CPQ: variants seen among roughly 807,000 people sequenced by gnomAD.
CPQ encodes carboxypeptidase Q.
CPQ carries 37 observed loss-of-function variants against 45.7 expected under a neutral mutation model. The ratio of observed to expected loss-of-function variants is 0.81; its 90% confidence interval spans 0.62 to 1.07. CPQ has a LOEUF of 1.07. Ranked by LOEUF, CPQ falls within the 50% of genes least tolerant of loss-of-function variation. CPQ has a pLI of 0.00. For synonymous variants in CPQ, 186 were observed against 205.8 expected (o/e 0.90, Z 0.82); for missense variants, 537 against 572.9 (o/e 0.94, Z 0.64).
intron 7 of CPQ, among the ~76,000 whole-genome samples, chr8:97,130,132 C>A (rs965153275): frequency 6.6e-6 from 1 of 152,166 alleles, no homozygotes; most frequent in Non-Finnish European, 1.5e-5. Flanking sequence ...TGTTCCATGT[C>A]CTCCATCATG....
At chr8:96,712,506 G>C (rs1311422471) in intron 1 of CPQ, among the ~76,000 whole-genome samples, 4 of 152,226 alleles carry the variant, frequency 2.6e-5, no homozygotes, top group Non-Finnish European at 4.4e-5. Context: ...TCTAGGCAGA[G>C]CTTCCCAAAC....
intron 4 of CPQ, among the ~76,000 whole-genome samples, chr8:96,901,602 A>G (rs765292020): frequency 6.6e-6 from 1 of 152,228 alleles, no homozygotes; most frequent in Non-Finnish European, 1.5e-5. Flanking sequence ...CATGCAGTAG[A>G]AAGTTTTCAG....
At chr8:96,829,430 CAG>C (rs900693151) in intron 2 of CPQ, among the ~76,000 whole-genome samples, 3 of 152,096 alleles carry the variant, frequency 2.0e-5, no homozygotes, top group African/African-American at 7.2e-5. Context: ...AAAATTTATT[CAG>C]AGAGACTGTT....
intron 7 of CPQ, among the ~76,000 whole-genome samples, chr8:97,113,387 G>A (rs1811530813): frequency 6.6e-6 from 1 of 152,178 alleles, no homozygotes. Context: ...ACTTTAATGT[G>A]TTTTAGAATG....
chr8:96,962,770 G>A (rs919917107), intron 4 of CPQ, among the ~76,000 whole-genome samples: 3 of 152,132 alleles, frequency 2.0e-5, no homozygotes, highest in African/African-American at 7.2e-5. Flanking sequence ...GTATGCAGAA[G>A]CTCATATATT....
intron 3 of CPQ, among the ~76,000 whole-genome samples, chr8:96,873,059 T>C (rs897472505): frequency 6.6e-6 from 1 of 151,826 alleles, no homozygotes; most frequent in African/African-American, 2.4e-5. Flanking sequence ...TCTTGTGGAG[T>C]TGGCTGCTTT....
intron 7 of CPQ, among the ~76,000 whole-genome samples, chr8:97,104,243 T>C (rs1475409826): frequency 6.6e-6 from 1 of 152,188 alleles, no homozygotes; most frequent in African/African-American, 2.4e-5. Context: ...CCAGTCGTTT[T>C]TTAATCTCTA....
chr8:96,831,420 G>A lies in CPQ; in HGVS notation c.434-3553G>A, dbSNP rs528544110. ...TAGGGACATTAGGGTAGGCCTTACT[G>A]TGAATATGACACAGGTTTTGTGTTC... On this transcript the variant is annotated intron_variant, in intron 2 of 7. Coordinates refer to ENST00000220763, the MANE Select transcript of CPQ (RefSeq NM_016134.4). Among the ~76,000 whole-genome samples the A allele has an allele frequency of 2.0e-5, 3 of 152,256 alleles. No individual in the cohort carries two copies. In the South Asian group the frequency reaches 6.2e-4, roughly 32 times the overall value.
rs763084551 is a variant in CPQ, at chr8:96,710,217, C to T, written c.-35+64815C>T. 5.3e-5 allele frequency among the ~76,000 whole-genome samples: 8 copies of T among 151,788 alleles called. No homozygotes were observed. The East Asian group carries it at 5.8e-4, about 11-fold the overall frequency. ...AGTCTCGAAATTTTTTTTGTATTTC[C>T]GTGCTATTGGTTGTAATGTCTCCAT... On this transcript the variant is annotated intron_variant, in intron 1 of 7. Transcript: ENST00000220763.
At chr8:97,054,952 G>T (rs1810426653) in intron 6 of CPQ, among the ~76,000 whole-genome samples, 1 of 152,172 alleles carries the variant, frequency 6.6e-6, no homozygotes, top group Non-Finnish European at 1.5e-5. Context: ...ATAGAGTTCA[G>T]GGGGGAAGTC....
chr8:97,117,099 G>A (rs1373670798), intron 7 of CPQ, among the ~76,000 whole-genome samples: 1 of 152,224 alleles, frequency 6.6e-6, no homozygotes, highest in Non-Finnish European at 1.5e-5. Flanking sequence ...AGTGGGAAAT[G>A]TAGCGATAAT....
chr8:96,990,827 A>T (rs570718232), intron 5 of CPQ, among the ~76,000 whole-genome samples: 3 of 152,320 alleles, frequency 2.0e-5, no homozygotes, highest in Admixed American at 1.3e-4. Flanking sequence ...GGTGACCCCT[A>T]GGAAAACCTC....
At chr8:96,854,171 A>G (rs1196496310) in intron 3 of CPQ, among the ~76,000 whole-genome samples, 2 of 152,166 alleles carry the variant, frequency 1.3e-5, no homozygotes, top group Admixed American at 6.5e-5. Context: ...GCCACATCCT[A>G]TGGAGGTGTA....
intron 2 of CPQ, among the ~76,000 whole-genome samples, chr8:96,825,833 G>A (rs1187964964): frequency 6.6e-6 from 1 of 151,880 alleles, no homozygotes; most frequent in East Asian, 1.9e-4. Context: ...ACATAAAAAA[G>A]CCCAGTTTGT....
At chr8:96,718,903 A>T (rs1563478280) in intron 1 of CPQ, among the ~76,000 whole-genome samples, 1 of 152,102 alleles carries the variant, frequency 6.6e-6, no homozygotes, top group Non-Finnish European at 1.5e-5. Context: ...ACGGGTGCTG[A>T]TTGGTGTGTT....
chr8:96,698,948 G>A (rs1586363865), intron 1 of CPQ, among the ~76,000 whole-genome samples: 1 of 152,122 alleles, frequency 6.6e-6, no homozygotes. Flanking sequence ...TAAAAATAGA[G>A]CTACCATAAG....
At chr8:96,914,712 C>T (rs1563527810) in intron 4 of CPQ, among the ~76,000 whole-genome samples, 1 of 152,056 alleles carries the variant, frequency 6.6e-6, no homozygotes, top group Non-Finnish European at 1.5e-5. Flanking sequence ...TAATTTCAAA[C>T]CCAGTTTGCT....
intron 7 of CPQ, among the ~76,000 whole-genome samples, chr8:97,080,254 G>A (rs1810921706): frequency 6.6e-6 from 1 of 152,188 alleles, no homozygotes; most frequent in South Asian, 2.1e-4. Context: ...GTTTTCTGAA[G>A]TCTCAGATGT....
At chr8:96,861,593 G>C (rs1237376999) in intron 3 of CPQ, among the ~76,000 whole-genome samples, 1 of 152,110 alleles carries the variant, frequency 6.6e-6, no homozygotes, top group Non-Finnish European at 1.5e-5. Context: ...AGTTATTGCA[G>C]AGAACATAGT....
Sources: allele counts gnomAD v4.1 joint callset (sites outside exome capture counted in the v4.1 genomes callset), GRCh38; gene constraint gnomAD v4.1.1; transcripts MANE v1.5; gene names NCBI Gene and HGNC (gene_info 2026-07-23, HGNC 2026-07-21).